EEFSEC: variants seen among roughly 807,000 people sequenced by gnomAD.
EEFSEC encodes the protein selenocysteine-specific elongation factor.
In EEFSEC, 43 loss-of-function variants were observed where a neutral mutation model predicts 42.1. The observed-to-expected ratio is 1.02, with a 90% confidence interval of 0.80 to 1.32. The LOEUF (loss-of-function observed/expected upper bound fraction) is 1.32. Ranked by LOEUF, EEFSEC falls within the 40% of genes most tolerant of loss-of-function variation. EEFSEC has a pLI of 0.00. For synonymous variants in EEFSEC, 354 were observed against 339.1 expected (o/e 1.04, Z -0.48); for missense variants, 745 against 803.6 (o/e 0.93, Z 0.88).
chr3:128,231,809 C>G (rs1559878811), intron 1 of EEFSEC, among the ~76,000 whole-genome samples: 1 of 152,126 alleles, frequency 6.6e-6, no homozygotes, highest in Non-Finnish European at 1.5e-5. Context: ...GGCTCCCTGG[C>G]TTAATTCTGA....
intron 4 of EEFSEC, among the ~76,000 whole-genome samples, chr3:128,293,946 A>G (rs1399582870): frequency 1.3e-5 from 2 of 152,228 alleles, no homozygotes; most frequent in Non-Finnish European, 2.9e-5. Context: ...CAGTACTCAA[A>G]GAAGTTAGGG....
chr3:128,340,359 T>A (rs896128204), intron 4 of EEFSEC, among the ~76,000 whole-genome samples: 2 of 150,496 alleles, frequency 1.3e-5, no homozygotes, highest in South Asian at 4.2e-4. Flanking sequence ...AATATTAATG[T>A]AGATTAATAT....
chr3:128,261,491 A>G (rs1000112391), intron 2 of EEFSEC, among the ~76,000 whole-genome samples: 10 of 150,062 alleles, frequency 6.7e-5, no homozygotes, highest in African/African-American at 2.0e-4. Flanking sequence ...TGGGAAAACC[A>G]TGGTTGGAAG....
intron 1 of EEFSEC, among the ~76,000 whole-genome samples, chr3:128,239,370 C>G (rs2066046484): frequency 6.6e-6 from 1 of 152,206 alleles, no homozygotes; most frequent in African/African-American, 2.4e-5. Context: ...TTTAGTGAGT[C>G]TGGGGCATGT....
chr3:128,363,011 G>T (rs1208032515), intron 6 of EEFSEC, among the ~76,000 whole-genome samples: 3 of 152,158 alleles, frequency 2.0e-5, no homozygotes, highest in Non-Finnish European at 4.4e-5. Flanking sequence ...CATACTTACA[G>T]TTAAGACCCC....
chr3:128,255,588 A>G (rs561756884), intron 2 of EEFSEC, among the ~76,000 whole-genome samples: 25 of 152,344 alleles, frequency 1.6e-4, no homozygotes, highest in Middle Eastern at 3.4e-3. Context: ...ACTGGCGCAG[A>G]GGAAGTACTT....
At chr3:128,231,203 G>A (rs1267846199) in intron 1 of EEFSEC, among the ~76,000 whole-genome samples, 1 of 152,126 alleles carries the variant, frequency 6.6e-6, no homozygotes, top group Non-Finnish European at 1.5e-5. Flanking sequence ...TTGTTGCTTG[G>A]CACTGTGGCC....
intron 1 of EEFSEC, among the ~76,000 whole-genome samples, chr3:128,173,470 G>A (rs927696763): frequency 6.6e-6 from 1 of 152,172 alleles, no homozygotes; most frequent in Admixed American, 6.5e-5. Context: ...AATGAACGAC[G>A]TGAATGGCGC....
chr3:128,251,243 T>A (rs937837335), intron 2 of EEFSEC, among the ~76,000 whole-genome samples: 6 of 152,214 alleles, frequency 3.9e-5, no homozygotes, highest in Non-Finnish European at 7.3e-5. Context: ...TAGACTGGCT[T>A]AAGTTTCTGT....
intron 1 of EEFSEC, among the ~76,000 whole-genome samples, chr3:128,223,792 G>A (rs2065883046): frequency 2.6e-5 from 4 of 152,204 alleles, no homozygotes; most frequent in African/African-American, 9.6e-5. Context: ...GTGCGTGCAT[G>A]TTGTGTGAGC....
At chr3:128,362,236 C>A in intron 6 of EEFSEC, 1 of 524,912 alleles carries the variant, frequency 1.9e-6, no homozygotes, top group Non-Finnish European at 3.9e-6. Flanking sequence ...CAGAGGCAGG[C>A]TGGATGGCGG....
At chr3:128,282,797 G>A (rs950334574) in intron 4 of EEFSEC, among the ~76,000 whole-genome samples, 1 of 152,220 alleles carries the variant, frequency 6.6e-6, no homozygotes, top group African/African-American at 2.4e-5. Flanking sequence ...TCTGCCGCTG[G>A]TTGCCTGTCA....
intron 2 of EEFSEC, among the ~76,000 whole-genome samples, chr3:128,251,668 G>A (rs1296987542): frequency 6.6e-6 from 1 of 151,892 alleles, no homozygotes; most frequent in Non-Finnish European, 1.5e-5. Flanking sequence ...TAATTTTTGG[G>A]AGTGTTTAAT....
chr3:128,371,842 A>C (rs190232424), intron 6 of EEFSEC, among the ~76,000 whole-genome samples: 1 of 152,146 alleles, frequency 6.6e-6, no homozygotes, highest in Non-Finnish European at 1.5e-5. Flanking sequence ...GTGGTCCTGC[A>C]GGGGCCGGGG....
At chr3:128,240,049 G>T (rs1452341817) in intron 1 of EEFSEC, among the ~76,000 whole-genome samples, 1 of 152,250 alleles carries the variant, frequency 6.6e-6, no homozygotes, top group Non-Finnish European at 1.5e-5. Context: ...GAGAGAGAGT[G>T]CATGAGTGTG....
rs192856881 is a variant in EEFSEC, at chr3:128,228,883, A to G, written c.317-17953A>G. On this transcript the variant is annotated intron_variant, in intron 1 of 6. Transcript: ENST00000254730. ...GTGAACACTACATTAAATGTCACCT[A>G]TAAAAACAGTGCTCATTTCTTGTGG... is the stretch of plus-strand genomic sequence containing the variant. Among the ~76,000 whole-genome samples the G allele has an allele frequency of 1.1e-4, 16 of 152,344 alleles. No individual in the cohort carries two copies. In the East Asian group the frequency reaches 2.9e-3, roughly 28 times the overall value.
At chr3:128,312,717 C>G (rs947062771) in intron 4 of EEFSEC, among the ~76,000 whole-genome samples, 1 of 152,244 alleles carries the variant, frequency 6.6e-6, no homozygotes, top group Non-Finnish European at 1.5e-5. Flanking sequence ...GTGGCTTCCT[C>G]TAGCTGGATT....
At chr3:128,285,459 G>C (rs529235121) in intron 4 of EEFSEC, among the ~76,000 whole-genome samples, 1 of 152,288 alleles carries the variant, frequency 6.6e-6, no homozygotes, top group East Asian at 1.9e-4. Context: ...GCAGGGACAG[G>C]CCTGTGAAAG....
At chr3:128,166,955 T>C (rs1576512083) in intron 1 of EEFSEC, among the ~76,000 whole-genome samples, 1 of 152,118 alleles carries the variant, frequency 6.6e-6, no homozygotes, top group African/African-American at 2.4e-5. Context: ...ACTACTTCCC[T>C]GTGTAGAAGT....
Sources: gnomAD v4.1 joint callset for allele counts (sites outside exome capture counted in the v4.1 genomes callset) on GRCh38, gnomAD v4.1.1 for gene constraint, MANE v1.5 for transcripts, NCBI Gene and HGNC (gene_info 2026-07-23, HGNC 2026-07-21) for gene names.